GPC6: variants seen among roughly 807,000 people sequenced by gnomAD.
GPC6 encodes the protein glypican-6.
GPC6 carries 14 observed loss-of-function variants against 55.2 expected under a neutral mutation model. The observed-to-expected ratio is 0.25, with a 90% CI of 0.17 to 0.40. The LOEUF (loss-of-function observed/expected upper bound fraction) is 0.40. GPC6 is among the 10% of genes least tolerant of loss of function. The pLI is 1.00. For missense variants in GPC6, 641 were observed against 708.5 expected (o/e 0.90, Z 1.08); for synonymous variants, 278 against 259.6 (o/e 1.07, Z -0.68).
intron 1 of GPC6, among the ~76,000 whole-genome samples, chr13:93,258,155 A>C (rs1007486913): frequency 1.3e-5 from 2 of 152,170 alleles, no homozygotes; most frequent in Non-Finnish European, 2.9e-5. Flanking sequence ...CTAAAGTTAC[A>C]GAAACTGAAA....
chr13:93,239,536 T>A (rs9523978), intron 1 of GPC6, among the ~76,000 whole-genome samples: 1 of 151,878 alleles, frequency 6.6e-6, no homozygotes, highest in Non-Finnish European at 1.5e-5. Context: ...ATTGTTTTCC[T>A]GGTTAATCTA....
intron 2 of GPC6, among the ~76,000 whole-genome samples, chr13:93,646,713 G>A (rs1450287238): frequency 1.3e-5 from 2 of 151,948 alleles, no homozygotes; most frequent in Non-Finnish European, 2.9e-5. Flanking sequence ...ACATTAATTA[G>A]TTCCTATAAC....
chr13:93,293,396 T>A (rs764508326), intron 1 of GPC6, among the ~76,000 whole-genome samples: 1 of 152,202 alleles, frequency 6.6e-6, no homozygotes, highest in Non-Finnish European at 1.5e-5. Context: ...TAATCTGATA[T>A]CTGTTTTTGT....
chr13:93,382,040 C>T (rs1177280314), intron 1 of GPC6, among the ~76,000 whole-genome samples: 1 of 151,974 alleles, frequency 6.6e-6, no homozygotes, highest in East Asian at 1.9e-4. Flanking sequence ...AATAAATATA[C>T]AGATATTTTG....
intron 2 of GPC6, among the ~76,000 whole-genome samples, chr13:93,700,496 G>T (rs1882630683): frequency 6.6e-6 from 1 of 152,108 alleles, no homozygotes; most frequent in Non-Finnish European, 1.5e-5. Flanking sequence ...CTCCTGGGCT[G>T]CCTAAAAGGG....
chr13:93,696,595 A>T, intron 2 of GPC6, among the ~76,000 whole-genome samples: 1 of 148,930 alleles, frequency 6.7e-6, no homozygotes. Flanking sequence ...CAAAACTTTT[A>T]TACTGGTTAC....
intron 4 of GPC6, among the ~76,000 whole-genome samples, chr13:94,185,457 C>T (rs1376957202): frequency 6.6e-6 from 1 of 151,772 alleles, no homozygotes; most frequent in East Asian, 1.9e-4. Flanking sequence ...ACAACGTGTA[C>T]ATAGACACAT....
In GPC6 at chr13:93,912,405, C is replaced by CAG. The variant is rs1467232955; in HGVS notation, c.711+81860_711+81861insAG. ...TGTTCATGATAGGGTGTATTAATTT[C>CAG]CTACAGCGGCTGTACCAAGTTATCA... On this transcript the variant is annotated intron_variant, in intron 3 of 8. Coordinates refer to ENST00000377047, the MANE Select transcript of GPC6 (RefSeq NM_005708.5). Among the ~76,000 whole-genome samples, 15 of 152,196 alleles carry CAG rather than the reference C, an allele frequency of 9.9e-5. No homozygotes were observed. The South Asian group carries it at 1.9e-3, about 19-fold the overall frequency.
At chr13:93,616,999 C>T (rs1878751105) in intron 2 of GPC6, among the ~76,000 whole-genome samples, 1 of 152,052 alleles carries the variant, frequency 6.6e-6, no homozygotes, top group African/African-American at 2.4e-5. Context: ...CTTTAAACTA[C>T]ATTACCTTTA....
intron 1 of GPC6, among the ~76,000 whole-genome samples, chr13:93,522,860 T>A (rs1405452569): frequency 6.6e-6 from 1 of 151,938 alleles, no homozygotes; most frequent in South Asian, 2.1e-4. Flanking sequence ...GGCTCCTATC[T>A]GAATTGCTAC....
At chr13:94,266,459 C>T (rs1274548602) in intron 4 of GPC6, among the ~76,000 whole-genome samples, 2 of 152,194 alleles carry the variant, frequency 1.3e-5, no homozygotes, top group Non-Finnish European at 2.9e-5. Context: ...TGAGCCACCG[C>T]GTCCAGCCAT....
chr13:94,216,103 A>AT (rs1890219752), intron 4 of GPC6, among the ~76,000 whole-genome samples: 2 of 152,172 alleles, frequency 1.3e-5, no homozygotes, highest in Non-Finnish European at 2.9e-5. Flanking sequence ...TGTTAAAGTC[A>AT]CTGTTTTATC....
At chr13:93,999,033 A>C (rs2140422747) in intron 3 of GPC6, among the ~76,000 whole-genome samples, 1 of 152,158 alleles carries the variant, frequency 6.6e-6, no homozygotes, top group Admixed American at 6.5e-5. Flanking sequence ...TATGAGTTTG[A>C]ATTTTTTTTA....
intron 1 of GPC6, among the ~76,000 whole-genome samples, chr13:93,359,142 T>G (rs1304768829): frequency 6.6e-6 from 1 of 151,976 alleles, no homozygotes; most frequent in African/African-American, 2.4e-5. Flanking sequence ...AATTTTAAAT[T>G]TTTTATAGAG....
chr13:94,185,101 G>A (rs1889125069), intron 4 of GPC6, among the ~76,000 whole-genome samples: 1 of 152,032 alleles, frequency 6.6e-6, no homozygotes, highest in Non-Finnish European at 1.5e-5. Flanking sequence ...GAGCACCCAT[G>A]GACATAAACC....
chr13:94,042,011 T>TA (rs1477756708), intron 4 of GPC6, among the ~76,000 whole-genome samples: 4 of 151,826 alleles, frequency 2.6e-5, no homozygotes, highest in Non-Finnish European at 4.4e-5. Flanking sequence ...GTGTTGAAGG[T>TA]GGGGCCTGGT....
At chr13:94,130,906 T>G (rs1024196354) in intron 4 of GPC6, among the ~76,000 whole-genome samples, 2 of 152,120 alleles carry the variant, frequency 1.3e-5, no homozygotes, top group Non-Finnish European at 2.9e-5. Flanking sequence ...GAGAAATAAT[T>G]TGTTTGTTTT....
intron 1 of GPC6, among the ~76,000 whole-genome samples, chr13:93,313,088 C>A (rs543204182): frequency 2.0e-5 from 3 of 152,244 alleles, no homozygotes; most frequent in Middle Eastern, 3.4e-3. Flanking sequence ...TGGAAGGCTG[C>A]TTTTTAGACC....
intron 2 of GPC6, among the ~76,000 whole-genome samples, chr13:93,644,934 T>C (rs1880110681): frequency 6.6e-6 from 1 of 152,106 alleles, no homozygotes; most frequent in South Asian, 2.1e-4. Flanking sequence ...CAGCCAGAAT[T>C]CTTTCAGAAT....
Sources: gnomAD v4.1 joint callset for allele counts (sites outside exome capture counted in the v4.1 genomes callset) on GRCh38, gnomAD v4.1.1 for gene constraint, MANE v1.5 for transcripts, NCBI Gene and HGNC (gene_info 2026-07-23, HGNC 2026-07-21) for gene names.